RALGPS2: variants seen among roughly 807,000 people sequenced by gnomAD.
RALGPS2 encodes the protein ras-specific guanine nucleotide-releasing factor RalGPS2.
In RALGPS2, 43 loss-of-function variants were observed where a neutral mutation model predicts 86.8. The ratio of observed to expected loss-of-function variants is 0.50; its 90% CI spans 0.39 to 0.64. The LOEUF is 0.64. Ranked by LOEUF, RALGPS2 falls within the 30% of genes least tolerant of loss-of-function variation. The pLI, the probability that RALGPS2 is intolerant of heterozygous loss-of-function variation, is 0.00. For missense variants in RALGPS2, 536 were observed against 694.6 expected, an observed-to-expected ratio of 0.77 and a Z score of 2.57; for synonymous variants, 243 against 231.3, an observed-to-expected ratio of 1.05 and a Z score of -0.46.
chr1:178,790,997 C>G (rs1215098842), intron 4 of RALGPS2, among the ~76,000 whole-genome samples: 1 of 152,110 alleles, frequency 6.6e-6, no homozygotes, highest in Non-Finnish European at 1.5e-5. Context: ...GAGTCTATAA[C>G]TAGTAAATTA....
chr1:178,731,502 C>T (rs1650361031), intron 1 of RALGPS2, among the ~76,000 whole-genome samples: 2 of 151,920 alleles, frequency 1.3e-5, no homozygotes, highest in African/African-American at 4.8e-5. Context: ...AGACCAGTCT[C>T]AAACTCCTGA....
chr1:178,725,443 C>T (rs1649910332), intron 1 of RALGPS2, 24 bp downstream of exon 1: 1 of 50,666 alleles, frequency 2.0e-5, no homozygotes, highest in Non-Finnish European at 4.1e-5. Flanking sequence ...GGCCGCGGGG[C>T]GGTGCGGGGG....
At chr1:178,901,996 A>AAATCTC in intron 17 of RALGPS2, 110 bp from the exon 18 acceptor site, 1 of 767,796 alleles carries the variant, frequency 1.3e-6, no homozygotes, top group Non-Finnish European at 2.1e-6. Flanking sequence ...ATGAAGTCAC[A>AAATCTC]AATCTCATCT....
rs6665037 is a variant in RALGPS2, at chr1:178,776,812, T to G, written c.48T>G (p.Thr16=). 0.075 allele frequency: 121,181 copies of G among 1,611,858 alleles called. 4,733 individuals are homozygous for G. The highest frequency in any genetic ancestry group is 0.13 in the African/African-American group (9,810 of 74,906). The change falls in exon 2 of 20, where the codon ACT becomes ACG. Residue 16 remains threonine, a synonymous_variant. Transcript: ENST00000367635. The part of the protein sequence containing the change: ...GQASSVNIAA[T]ASEKSSSSES... ...CAAGCAGTGTCAATATTGCAGCTAC[T>G]GCTTCTGAGGTAAGATATTTAAGAA...
At chr1:178,751,567 AAAT>A (rs1433737518) in intron 1 of RALGPS2, among the ~76,000 whole-genome samples, 8 of 152,124 alleles carry the variant, frequency 5.3e-5, no homozygotes, top group Non-Finnish European at 8.8e-5. Flanking sequence ...CATTATTGAT[AAAT>A]AATAATATTT....
chr1:178,902,966 A>G (rs1660238909), intron 18 of RALGPS2, among the ~76,000 whole-genome samples: 1 of 152,104 alleles, frequency 6.6e-6, no homozygotes, highest in South Asian at 2.1e-4. Context: ...AGATATGAGA[A>G]ATTGGAGGAT....
chr1:178,874,136 G>A (rs1388570751), intron 8 of RALGPS2, among the ~76,000 whole-genome samples: 4 of 152,156 alleles, frequency 2.6e-5, no homozygotes, highest in Non-Finnish European at 5.9e-5. Flanking sequence ...ATAAGGGAAT[G>A]ATCTTAAAGT....
At chr1:178,736,235 C>T (rs1650696395) in intron 1 of RALGPS2, among the ~76,000 whole-genome samples, 1 of 146,974 alleles carries the variant, frequency 6.8e-6, no homozygotes, top group Non-Finnish European at 1.5e-5. Flanking sequence ...GTGATCTCGG[C>T]TCACTGCAGC....
In RALGPS2 at chr1:178,917,054, C is replaced by G. The variant is rs138319538; in HGVS notation, c.*695C>G. ...CTGAAATGTAGTACTGTAAGGGGAA[C>G]ATTATTTCCTGCAGGAGGTACAAAG... On this transcript the variant is annotated 3_prime_UTR_variant, in exon 20 of 20. Transcript: ENST00000367635. 37 of 152,148 alleles carry G rather than the reference C, an allele frequency of 2.4e-4. No homozygotes were observed. Among genetic ancestry groups the G allele is most frequent in the Admixed American group, 7.9e-4 (12 of 15,274 alleles). 9.4% of individuals were successfully genotyped at this position (152,148 alleles called of 1,614,324 possible).
chr1:178,736,494 G>T (rs1342956302), intron 1 of RALGPS2, among the ~76,000 whole-genome samples: 1 of 152,100 alleles, frequency 6.6e-6, no homozygotes, highest in African/African-American at 2.4e-5. Flanking sequence ...TTCAATGAAA[G>T]TACTGTTTTC....
At chr1:178,747,159 C>G (rs61742327) in intron 1 of RALGPS2, 22,396 of 1,010,984 alleles carry the variant, frequency 0.022, 563 homozygotes, top group East Asian at 0.1. Context: ...AGACAAGTGT[C>G]TACCAGAGAG....
intron 9 of RALGPS2, 41 bp from the exon 10 acceptor site, chr1:178,878,861 G>T: frequency 6.2e-7 from 1 of 1,600,484 alleles, no homozygotes; most frequent in Non-Finnish European, 8.5e-7. Context: ...TTCTGGTTAA[G>T]ATGTACTTTA....
intron 18 of RALGPS2, 52 bp from the exon 19 acceptor site, chr1:178,906,722 TTA>T (rs1572471995): frequency 7.8e-6 from 11 of 1,418,158 alleles, no homozygotes; most frequent in Admixed American, 3.7e-5. Context: ...GGCAGAATTA[TTA>T]TGTGTCGTCC....
At chr1:178,881,656 G>A (rs1659251739) in intron 10 of RALGPS2, among the ~76,000 whole-genome samples, 1 of 152,028 alleles carries the variant, frequency 6.6e-6, no homozygotes, top group South Asian at 2.1e-4. Context: ...TCACCATATT[G>A]GCCAGGCTGA....
intron 4 of RALGPS2, among the ~76,000 whole-genome samples, chr1:178,797,681 C>G (rs1357303812): frequency 6.6e-6 from 1 of 151,944 alleles, no homozygotes; most frequent in African/African-American, 2.4e-5. Flanking sequence ...ATATCAAAAC[C>G]AAGAAATTGA....
chr1:178,753,228 C>CT (rs897347152), intron 1 of RALGPS2, among the ~76,000 whole-genome samples: 5 of 151,968 alleles, frequency 3.3e-5, no homozygotes, highest in Admixed American at 2.0e-4. Context: ...CAAATTTGTC[C>CT]TTTTTTTTCC....
At chr1:178,793,264 G>T (rs1291094980) in intron 4 of RALGPS2, among the ~76,000 whole-genome samples, 2 of 151,956 alleles carry the variant, frequency 1.3e-5, no homozygotes, top group African/African-American at 2.4e-5. Context: ...TAAATAAAGG[G>T]TATTTAGACT....
rs555424464 is a variant in RALGPS2, at chr1:178,824,669, C to T, written c.480+2965C>T. Among the ~76,000 whole-genome samples the T allele has an allele frequency of 7.9e-5, 12 of 152,108 alleles. No individual in the cohort carries two copies. In the South Asian group the frequency reaches 2.3e-3, roughly 29 times the overall value. On this transcript the variant is annotated intron_variant, in intron 7 of 19. Coordinates refer to ENST00000367635, the MANE Select transcript of RALGPS2 (RefSeq NM_152663.5). The stretch of plus-strand genomic sequence containing the variant: ...TAAAAATACAAAAAAATTAGTCAGA[C>T]GTGGTGATGGGCGCCTGTAGTCCCA...
At chr1:178,812,000 G>A (rs1035189435) in intron 6 of RALGPS2, among the ~76,000 whole-genome samples, 1 of 152,142 alleles carries the variant, frequency 6.6e-6, no homozygotes, top group Non-Finnish European at 1.5e-5. Context: ...TGGTTGGAGG[G>A]GCAGAAAGGG....
Sources: gnomAD v4.1 joint callset for allele counts (sites outside exome capture counted in the v4.1 genomes callset) on GRCh38, gnomAD v4.1.1 for gene constraint, MANE v1.5 for transcripts, NCBI Gene and HGNC (gene_info 2026-07-23, HGNC 2026-07-21) for gene names.